The following RYR2 variants were observed in gnomAD, a reference collection of about 807,000 sequenced individuals.
RYR2 encodes the protein cardiac muscle ryanodine receptor-calcium release channel.
A neutral mutation model predicts 601.1 loss-of-function variants in RYR2; 227 were observed. The ratio of observed to expected loss-of-function variants is 0.38; its 90% CI spans 0.34 to 0.42. The LOEUF (loss-of-function observed/expected upper bound fraction) is 0.42, where lower values mean the gene tolerates loss of function less well. Among genes scored for constraint, RYR2 ranks in the 10% least tolerant of loss-of-function variants. The probability of loss-of-function intolerance (pLI) is 1.00; values close to 1 mark genes in which losing one functional copy is unlikely to be tolerated. For synonymous variants in RYR2, 2,223 were observed against 2,175.1 expected (o/e 1.02, Z -0.61); for missense variants, 4,646 against 6,156.5 (o/e 0.75, Z 8.21).
At position 237,784,054 on chromosome 1, in the gene RYR2, A is replaced by G; in HGVS notation, c.12342A>G (p.Arg4114=). ...NLSEHMPNDT[R]LQTFLELAES... Reference sequence around the variant, plus strand: ...CTGAGCACATGCCCAACGATACCCGACTTCAGACTTTTCTGGAATTAGCAG... The same window carrying G: ...CTGAGCACATGCCCAACGATACCCGGCTTCAGACTTTTCTGGAATTAGCAG... Residue 4114 remains arginine (R), a synonymous_variant, in exon 90 of 105, where the codon CGA becomes CGG. Transcript: ENST00000366574. The surrounding 1 kb of genome is among the most constrained non-coding windows in gnomAD (Gnocchi z 7.1). 5 of 1,613,954 alleles carry G rather than the reference A, an allele frequency of 3.1e-6. No homozygotes were observed. The highest frequency in any genetic ancestry group is 3.4e-6 in the Non-Finnish European group (4 of 1,179,876).
chr1:237,631,308 C>A, intron 41 of RYR2, 119 bp from the exon 42 acceptor site: 2 of 655,768 alleles, frequency 3.0e-6, no homozygotes, highest in Non-Finnish European at 5.3e-6. Flanking sequence ...TTATTAAATA[C>A]TGTGATTGCT....
intron 71 of RYR2, among the ~76,000 whole-genome samples, chr1:237,712,627 G>C (rs1162298281): frequency 6.6e-6 from 1 of 152,140 alleles, no homozygotes. Context: ...TGTCCATCAA[G>C]TGTGAATATT....
intron 9 of RYR2, among the ~76,000 whole-genome samples, chr1:237,387,758 G>C (rs16835193): frequency 0.018 from 2,676 of 152,268 alleles, 68 homozygotes; most frequent in African/African-American, 0.061. Flanking sequence ...CAAAGGAGCA[G>C]GGTTTCCTAG....
At chr1:237,102,971 G>A (rs941887408) in intron 1 of RYR2, among the ~76,000 whole-genome samples, 1 of 152,166 alleles carries the variant, frequency 6.6e-6, no homozygotes, top group Non-Finnish European at 1.5e-5. Flanking sequence ...TATGCACACC[G>A]TTGTGCAACA....
intron 24 of RYR2, among the ~76,000 whole-genome samples, chr1:237,524,152 C>A (rs568359178): frequency 1.3e-5 from 2 of 152,308 alleles, no homozygotes; most frequent in East Asian, 3.9e-4. Context: ...AAACTGGAAA[C>A]TGTGCAAATG....
At chr1:237,320,198 A>T (rs906312890) in intron 2 of RYR2, among the ~76,000 whole-genome samples, 7 of 152,162 alleles carry the variant, frequency 4.6e-5, no homozygotes, top group Middle Eastern at 3.4e-3. Flanking sequence ...TTTTAAGGAG[A>T]AGATTTGCCA....
At chr1:237,753,562 T>A (rs1407932613) in intron 80 of RYR2, among the ~76,000 whole-genome samples, 1 of 152,238 alleles carries the variant, frequency 6.6e-6, no homozygotes, top group Non-Finnish European at 1.5e-5. Flanking sequence ...TATTAGGATA[T>A]GCACTGATAA....
intron 1 of RYR2, among the ~76,000 whole-genome samples, chr1:237,045,375 C>G (rs530229978): frequency 6.6e-6 from 1 of 152,180 alleles, no homozygotes; most frequent in Non-Finnish European, 1.5e-5. Context: ...AGGGGTTTGT[C>G]ACTGTTTAGC....
At chr1:237,609,936 T>C (rs1459507291) in intron 35 of RYR2, among the ~76,000 whole-genome samples, 1 of 107,262 alleles carries the variant, frequency 9.3e-6, no homozygotes, top group Admixed American at 8.0e-5. Context: ...CAGTACTTGG[T>C]TTTTCCCCGC....
intron 17 of RYR2, among the ~76,000 whole-genome samples, chr1:237,475,105 C>G (rs1364390299): frequency 6.6e-6 from 1 of 152,142 alleles, no homozygotes; most frequent in Non-Finnish European, 1.5e-5. Context: ...TCTAACAACT[C>G]TATAGGTTAG....
intron 1 of RYR2, among the ~76,000 whole-genome samples, chr1:237,205,644 G>C (rs1343297869): frequency 6.6e-6 from 1 of 152,206 alleles, no homozygotes; most frequent in Non-Finnish European, 1.5e-5. Context: ...GTCCTGGATT[G>C]CCCCAGAAGA....
intron 2 of RYR2, among the ~76,000 whole-genome samples, chr1:237,296,618 G>A (rs1282096121): frequency 6.6e-6 from 1 of 152,200 alleles, no homozygotes; most frequent in African/African-American, 2.4e-5. Context: ...TGTCAAGTAA[G>A]CAGCTTGATG....
intron 15 of RYR2, among the ~76,000 whole-genome samples, chr1:237,455,506 C>T (rs897354691): frequency 6.6e-6 from 1 of 152,056 alleles, no homozygotes; most frequent in African/African-American, 2.4e-5. Flanking sequence ...ATTTATACTT[C>T]AAACCCCAGT....
intron 27 of RYR2, among the ~76,000 whole-genome samples, chr1:237,564,700 A>G (rs1671792165): frequency 6.6e-6 from 1 of 152,244 alleles, no homozygotes; most frequent in Admixed American, 6.5e-5. Flanking sequence ...TAGGCATGAG[A>G]ATTTACCCTT....
intron 29 of RYR2, among the ~76,000 whole-genome samples, chr1:237,581,802 A>G (rs1673944963): frequency 6.6e-6 from 1 of 152,202 alleles, no homozygotes; most frequent in African/African-American, 2.4e-5. Flanking sequence ...TGGGAGAGTA[A>G]CTTATTATTG....
chr1:237,478,804 G>A lies in RYR2; in HGVS notation c.1708+9617G>A, dbSNP rs140972188. On this transcript the variant is annotated intron_variant, in intron 17 of 104. Coordinates refer to ENST00000366574, the MANE Select transcript of RYR2 (RefSeq NM_001035.3). ...GGCCTTAAGGGACCCCCCTACCCTC[G>A]CTTACCATCTGGCTGCAAATTTCAT... is the stretch of plus-strand genomic sequence containing the variant. 2.7e-3 allele frequency among the ~76,000 whole-genome samples: 416 copies of A among 151,768 alleles called. 1 individual carries two copies. The highest frequency in any genetic ancestry group is 6.9e-3 in the African/African-American group (285 of 41,340).
At chr1:237,278,130 G>T (rs1399765671) in intron 2 of RYR2, among the ~76,000 whole-genome samples, 1 of 151,420 alleles carries the variant, frequency 6.6e-6, no homozygotes, top group East Asian at 1.9e-4. Context: ...GAGTGAAGTT[G>T]CATGATCTTG....
At chr1:237,213,586 G>A (rs1208334137) in intron 1 of RYR2, among the ~76,000 whole-genome samples, 3 of 152,026 alleles carry the variant, frequency 2.0e-5, no homozygotes, top group South Asian at 2.1e-4. Flanking sequence ...CTTTTCTAAT[G>A]GGAGCGCCTC....
intron 24 of RYR2, among the ~76,000 whole-genome samples, chr1:237,513,905 A>T (rs752130403): frequency 6.6e-6 from 1 of 152,242 alleles, no homozygotes; most frequent in Non-Finnish European, 1.5e-5. Flanking sequence ...GCAGATTATC[A>T]TGTAAATAAA....
Sources: gnomAD v4.1 joint callset for allele counts (sites outside exome capture counted in the v4.1 genomes callset) on GRCh38, gnomAD v4.1.1 for gene constraint, Gnocchi (gnomAD v3.1) non-coding constraint, MANE v1.5 for transcripts, NCBI Gene and HGNC (gene_info 2026-07-23, HGNC 2026-07-21) for gene names.